NAV2: variants seen among roughly 807,000 people sequenced by gnomAD.
NAV2 encodes the protein helicase, APC down-regulated 1.
A neutral mutation model predicts 223.2 loss-of-function variants in NAV2; 54 were observed. The ratio of observed to expected loss-of-function variants is 0.24; its 90% CI spans 0.19 to 0.30. The LOEUF is 0.30. NAV2 is among the 10% of genes least tolerant of loss of function. NAV2 has a pLI of 1.00. For synonymous variants in NAV2, 1,279 were observed against 1,239.3 expected (o/e 1.03, Z -0.67); for missense variants, 2,806 against 3,147.5 (o/e 0.89, Z 2.60).
chr11:19,583,148 A>G (rs2045777711), intron 1 of NAV2, among the ~76,000 whole-genome samples: 1 of 152,182 alleles, frequency 6.6e-6, no homozygotes, highest in Non-Finnish European at 1.5e-5. Flanking sequence ...AATTGTGAAT[A>G]GGAGTTCACT....
intron 6 of NAV2, among the ~76,000 whole-genome samples, chr11:19,917,476 T>C (rs2043903457): frequency 6.6e-6 from 1 of 152,298 alleles, no homozygotes; most frequent in Middle Eastern, 3.4e-3. Context: ...CAAGGAATTA[T>C]TCTACTAGAG....
At chr11:19,749,820 A>G (rs1394042275) in intron 1 of NAV2, among the ~76,000 whole-genome samples, 5 of 152,224 alleles carry the variant, frequency 3.3e-5, no homozygotes, top group Non-Finnish European at 7.3e-5. Flanking sequence ...TTTCACGAAT[A>G]AAAGTGCAAA....
intron 7 of NAV2, among the ~76,000 whole-genome samples, chr11:19,938,169 C>A (rs1010036749): frequency 1.3e-5 from 2 of 152,128 alleles, no homozygotes; most frequent in African/African-American, 4.8e-5. Context: ...AAGAATGTGG[C>A]CATCATCTAC....
chr11:19,667,453 C>T (rs955153764), intron 1 of NAV2, among the ~76,000 whole-genome samples: 4 of 152,112 alleles, frequency 2.6e-5, no homozygotes, highest in Non-Finnish European at 5.9e-5. Context: ...TGTGGGTGTG[C>T]TTTGGGGGCA....
At chr11:19,421,769 T>TTA (rs1248431001) in intron 1 of NAV2, among the ~76,000 whole-genome samples, 5 of 144,786 alleles carry the variant, frequency 3.5e-5, no homozygotes. Flanking sequence ...AGAGGCTTTT[T>TTA]TTTTTTTTTT....
chr11:19,600,825 C>T (rs1369723065), intron 1 of NAV2, among the ~76,000 whole-genome samples: 1 of 152,142 alleles, frequency 6.6e-6, no homozygotes, highest in Non-Finnish European at 1.5e-5. Context: ...GAAATTGAAG[C>T]TCAAGGAGGT....
intron 1 of NAV2, among the ~76,000 whole-genome samples, chr11:19,369,535 G>A (rs1363867422): frequency 6.6e-6 from 1 of 152,042 alleles, no homozygotes; most frequent in African/African-American, 2.4e-5. Flanking sequence ...ATGCTGTGTG[G>A]TTCATTTTTA....
At chr11:19,440,787 T>G (rs1851374278) in intron 1 of NAV2, among the ~76,000 whole-genome samples, 1 of 152,208 alleles carries the variant, frequency 6.6e-6, no homozygotes, top group Admixed American at 6.5e-5. Context: ...AATGAATGAA[T>G]GGAGGCTTGG....
chr11:19,678,190 C>G (rs1022629706), intron 1 of NAV2, among the ~76,000 whole-genome samples: 2 of 152,192 alleles, frequency 1.3e-5, no homozygotes, highest in African/African-American at 2.4e-5. Context: ...AGAAGAAAAC[C>G]AATTGCTAAC....
At chr11:19,809,788 A>T (rs1302967451) in intron 1 of NAV2, among the ~76,000 whole-genome samples, 2 of 108,678 alleles carry the variant, frequency 1.8e-5, no homozygotes, top group African/African-American at 5.1e-5. Flanking sequence ...CATCATCGCT[A>T]TTGCCCCCCA....
intron 11 of NAV2, among the ~76,000 whole-genome samples, chr11:20,031,535 A>T (rs1432569353): frequency 6.6e-6 from 1 of 152,210 alleles, no homozygotes; most frequent in Non-Finnish European, 1.5e-5. Context: ...AAAGGAATTT[A>T]CTATTTCTCA....
At position 19,767,845 on chromosome 11, in the gene NAV2, C is replaced by T. The variant is rs78030864; in HGVS notation, c.267+53883C>T. 1.6e-3 allele frequency among the ~76,000 whole-genome samples: 241 copies of T among 152,354 alleles called. 1 individual carries two copies. Among genetic ancestry groups the T allele is most frequent in the Non-Finnish European group, 2.6e-3 (180 of 68,034 alleles). On this transcript the variant is annotated intron_variant, in intron 1 of 37. Transcript: ENST00000349880. The stretch of plus-strand genomic sequence containing the variant: ...CCCTGAGGGCCTGCAGTGCAGATCT[C>T]CAGGCTCCCAGCCCAGCCCCCTAGG...
chr11:19,648,074 C>T (rs1043955026), intron 1 of NAV2, among the ~76,000 whole-genome samples: 1 of 152,106 alleles, frequency 6.6e-6, no homozygotes, highest in African/African-American at 2.4e-5. Flanking sequence ...TATACTCGCA[C>T]AAGAGCCAGC....
chr11:19,761,780 C>T (rs60860304), intron 1 of NAV2, among the ~76,000 whole-genome samples: 6,304 of 152,314 alleles, frequency 0.041, 411 homozygotes, highest in African/African-American at 0.14. Context: ...ATCCTCATCT[C>T]CACATTTAAC....
At chr11:19,533,647 A>G (rs1488923925) in intron 1 of NAV2, among the ~76,000 whole-genome samples, 4 of 131,390 alleles carry the variant, frequency 3.0e-5, no homozygotes, top group African/African-American at 1.1e-4. Flanking sequence ...CACTTTCTCT[A>G]CCCCCACCCC....
intron 1 of NAV2, among the ~76,000 whole-genome samples, chr11:19,776,675 T>TGTGTGTGTGTGTGTGTGG (rs2056233726): frequency 3.4e-5 from 5 of 146,696 alleles, no homozygotes; most frequent in Non-Finnish European, 6.0e-5. Flanking sequence ...TGTGTGTGTG[T>TGTGTGTGTGTGTGTGTGG]GGTTAGAGTT....
At chr11:19,577,415 C>G (rs1159222682) in intron 1 of NAV2, among the ~76,000 whole-genome samples, 4 of 152,248 alleles carry the variant, frequency 2.6e-5, no homozygotes, top group Admixed American at 6.5e-5. Context: ...GGGCCGCTGA[C>G]AGGGAAGATC....
At chr11:19,690,544 G>A (rs1002158507) in intron 1 of NAV2, among the ~76,000 whole-genome samples, 12 of 152,176 alleles carry the variant, frequency 7.9e-5, no homozygotes, top group African/African-American at 2.2e-4. Context: ...GAATCAACAC[G>A]TAATAAGTGC....
At chr11:20,012,519 A>G (rs2153514017) in intron 11 of NAV2, among the ~76,000 whole-genome samples, 1 of 151,830 alleles carries the variant, frequency 6.6e-6, no homozygotes, top group South Asian at 2.1e-4. Flanking sequence ...TACTAAAATT[A>G]CAAAAATTAG....
Sources: allele counts gnomAD v4.1 joint callset (sites outside exome capture counted in the v4.1 genomes callset), GRCh38; gene constraint gnomAD v4.1.1; transcripts MANE v1.5; gene names NCBI Gene and HGNC (gene_info 2026-07-23, HGNC 2026-07-21).